Variants in GRIP2 observed in about 807,000 individuals in gnomAD.
The protein encoded by GRIP2 is glutamate receptor-interacting protein 2.
GRIP2 carries 58 observed loss-of-function variants against 108.3 expected under a neutral mutation model. That is an observed-to-expected ratio of 0.54 (90% confidence interval 0.43 to 0.67). The LOEUF is 0.67. Among genes scored for constraint, GRIP2 ranks in the 30% least tolerant of loss-of-function variants. The probability of loss-of-function intolerance (pLI) is 0.00; values close to 1 mark genes in which losing one functional copy is unlikely to be tolerated. For synonymous variants in GRIP2, 586 were observed against 598.2 expected (o/e 0.98, Z 0.30); for missense variants, 1,278 against 1,430.6 (o/e 0.89, Z 1.72).
chr3:14,585,337 A>T, the GRIP2 span, among the ~76,000 whole-genome samples: 1 of 152,244 alleles, frequency 6.6e-6, no homozygotes. Flanking sequence ...TGGAGATTTC[A>T]GCATAAAATA....
chr3:14,531,852 G>C (rs879291077), intron 1 of GRIP2, among the ~76,000 whole-genome samples: 7 of 152,168 alleles, frequency 4.6e-5, no homozygotes, highest in African/African-American at 1.4e-4. Context: ...GCTGACACGG[G>C]CAAGAACAGG....
rs556851558 is a variant in GRIP2, at chr3:14,505,444, G to A, written c.2573+171C>T. Among the ~76,000 whole-genome samples the A allele has an allele frequency of 1.4e-4, 21 of 152,214 alleles. No individual in the cohort carries two copies. The highest frequency in any genetic ancestry group is 5.8e-4 in the East Asian group (3 of 5,174). ...CCTCCACCAGTCTGCCCTTCCCTCC[G>A]TCTCAGCCTGGCTGAGGTGGCTCTG... On this transcript the variant is annotated intron_variant, in intron 20 of 23. Transcript: ENST00000621039. This position sits in a 1 kb window ranked among gnomAD's most constrained non-coding sequence, Gnocchi z 4.2.
Position 14,511,607 on chromosome 3 carries a change from G to T in GRIP2, c.1721-128C>A. Reference sequence around the variant, plus strand: ...TCACATCCTGGTCCCACTGCTTCCTGGCTGGGTGACCGTGAGCAAATCAGC... The same window carrying T: ...TCACATCCTGGTCCCACTGCTTCCTTGCTGGGTGACCGTGAGCAAATCAGC... On this transcript the variant is annotated intron_variant, in intron 14 of 23. Transcript: ENST00000621039. This position sits in a 1 kb window ranked among gnomAD's most constrained non-coding sequence, Gnocchi z 4.1. 1.1e-6 allele frequency: 1 copy of T among 872,586 alleles called. No homozygotes were observed. Among genetic ancestry groups the T allele is most frequent in the Admixed American group, 2.2e-5 (1 of 46,174 alleles). The allele number at this position is 872,586 out of a possible 1,614,324, so 54.1% of individuals were successfully genotyped here.
chr3:14,520,030 T>G, intron 9 of GRIP2, 80 bp downstream of exon 9: 6 of 1,357,562 alleles, frequency 4.4e-6, no homozygotes, highest in Non-Finnish European at 6.0e-6. Flanking sequence ...CCTCCCAGCC[T>G]GCCCAGGGCT....
At chr3:14,539,435 CA>C (rs1403804364) in intron 1 of GRIP2, among the ~76,000 whole-genome samples, 1 of 152,184 alleles carries the variant, frequency 6.6e-6, no homozygotes, top group Non-Finnish European at 1.5e-5. Context: ...CAGTAAAAGT[CA>C]TCGGGGTGTC....
At chr3:14,551,295 AC>A (rs1695144229) in intron 1 of GRIP2, among the ~76,000 whole-genome samples, 3 of 152,210 alleles carry the variant, frequency 2.0e-5, no homozygotes, top group Non-Finnish European at 4.4e-5. Flanking sequence ...ACAGACAGAG[AC>A]AATGCCCGGA....
At chr3:14,561,239 G>A in the GRIP2 span, among the ~76,000 whole-genome samples, 2 of 152,236 alleles carry the variant, frequency 1.3e-5, no homozygotes, top group South Asian at 2.1e-4. Context: ...GCTTCAGGCT[G>A]AGTCATCAAG....
At chr3:14,571,101 C>A in the GRIP2 span, among the ~76,000 whole-genome samples, 2 of 152,114 alleles carry the variant, frequency 1.3e-5, no homozygotes, top group African/African-American at 4.8e-5. Flanking sequence ...TGCCAAATGT[C>A]CCCTGGGGAA....
intron 1 of GRIP2, among the ~76,000 whole-genome samples, chr3:14,549,027 CCTCCACCTGTTCTTTTCCA>C (rs1255176978): frequency 1.3e-5 from 2 of 152,230 alleles, no homozygotes; most frequent in African/African-American, 4.8e-5. Flanking sequence ...CTCAGCCCTT[CCTCCACCTGTTCTTTTCCA>C]CTAAATGGGA....
In GRIP2 at chr3:14,521,879, G is replaced by T; in HGVS notation, c.567-92C>A. On this transcript the variant is annotated intron_variant, in intron 6 of 23. Transcript: ENST00000621039. The surrounding 1 kb of genome is among the most constrained non-coding windows in gnomAD (Gnocchi z 5.1). ...CGCTGGGAAGCGGGACATGGAGGAT[G>T]AAGAAGCAGGGAATGGGTGGGGGAG... 1.8e-6 allele frequency: 2 copies of T among 1,109,276 alleles called. No homozygotes were observed. The highest frequency in any genetic ancestry group is 2.4e-6 in the Non-Finnish European group (2 of 824,526). The allele number at this position is 1,109,276 out of a possible 1,614,324, so 68.7% of individuals were successfully genotyped here.
At chr3:14,517,496 T>C (rs4511880) in intron 10 of GRIP2, among the ~76,000 whole-genome samples, 964 of 18,550 alleles carry the variant, frequency 0.052, 14 homozygotes, top group East Asian at 0.19. Context: ...CTCTCTCTCT[T>C]TTTTTTTTTT....
chr3:14,538,193 G>A (rs1415054489), intron 1 of GRIP2, among the ~76,000 whole-genome samples: 1 of 152,184 alleles, frequency 6.6e-6, no homozygotes, highest in Non-Finnish European at 1.5e-5. Context: ...CTGCCAGTGG[G>A]CTGACTTCTC....
chr3:14,536,153 G>GA (rs1158703827), intron 1 of GRIP2, among the ~76,000 whole-genome samples: 3 of 152,270 alleles, frequency 2.0e-5, no homozygotes, highest in African/African-American at 7.2e-5. Flanking sequence ...GGATTGCAAA[G>GA]AAAAAAATAA....
At chr3:14,592,516 G>A in the GRIP2 span, among the ~76,000 whole-genome samples, 1 of 152,210 alleles carries the variant, frequency 6.6e-6, no homozygotes, top group Non-Finnish European at 1.5e-5. Context: ...CGGGCTCAGA[G>A]AGGAGAGAAC....
the GRIP2 span, chr3:14,573,991 A>T: frequency 4.3e-6 from 5 of 1,168,716 alleles, no homozygotes; most frequent in Non-Finnish European, 2.5e-6. Context: ...ATGCAAGGCG[A>T]AAACTTGGCA....
the GRIP2 span, among the ~76,000 whole-genome samples, chr3:14,561,843 C>T: frequency 6.6e-6 from 1 of 152,156 alleles, no homozygotes; most frequent in African/African-American, 2.4e-5. Context: ...GGGTGCAGAC[C>T]CTCTTGACCG....
At chr3:14,496,331 G>A in intron 22 of GRIP2, 86 bp downstream of exon 22, 1 of 1,201,808 alleles carries the variant, frequency 8.3e-7, no homozygotes, top group South Asian at 1.6e-5. Context: ...GCCCTGAGAG[G>A]GGCAGGGCCC....
At chr3:14,572,401 A>G in the GRIP2 span, among the ~76,000 whole-genome samples, 1 of 151,840 alleles carries the variant, frequency 6.6e-6, no homozygotes, top group African/African-American at 2.4e-5. Context: ...TCACGAGGTC[A>G]GGAGATCGAG....
chr3:14,571,675 G>A, the GRIP2 span, among the ~76,000 whole-genome samples: 1 of 152,176 alleles, frequency 6.6e-6, no homozygotes, highest in Non-Finnish European at 1.5e-5. Context: ...GAGGAACAGA[G>A]GCTCACTGTA....
Sources: allele counts gnomAD v4.1 joint callset (sites outside exome capture counted in the v4.1 genomes callset), GRCh38; gene constraint gnomAD v4.1.1; non-coding constraint Gnocchi (gnomAD v3.1); transcripts MANE v1.5; gene names NCBI Gene and HGNC (gene_info 2026-07-23, HGNC 2026-07-21).